Variants in PGPEP1L observed in about 807,000 individuals in gnomAD.
PGPEP1L encodes the protein pyroglutamyl-peptidase I like, also known as pyroglutamyl-peptidase 1-like protein.
In PGPEP1L, 7 loss-of-function variants were observed where a neutral mutation model predicts 6.0. That is an observed-to-expected ratio of 1.17 (90% CI 0.66 to 2.19). The LOEUF is 2.19. Ranked by LOEUF, PGPEP1L falls within the 30% of genes most tolerant of loss-of-function variation. The pLI, the probability that PGPEP1L is intolerant of heterozygous loss-of-function variation, is 0.00. For missense variants in PGPEP1L, 209 were observed against 192.5 expected (o/e 1.09, Z -0.51); for synonymous variants, 103 against 83.9 (o/e 1.23, Z -1.24).
At chr15:98,988,878 G>C (rs528202239) in intron 2 of PGPEP1L, among the ~76,000 whole-genome samples, 2 of 152,342 alleles carry the variant, frequency 1.3e-5, no homozygotes, top group South Asian at 4.1e-4. Context: ...CAGACCTGCA[G>C]TAGAGTGCCC....
rs559227077 is a variant in PGPEP1L at position 98,982,142 on chromosome 15, A to G, written c.-141-10984T>C. Among the ~76,000 whole-genome samples, 4 of 152,338 alleles carry G rather than the reference A, an allele frequency of 2.6e-5. No individual in the cohort carries two copies. In the East Asian group the frequency reaches 7.7e-4, roughly 29 times the overall value. ...GTTTCCTTGAGCGTTTACTAGGAGC[A>G]CGGTGTTTGTGGGGAGGACTGTGAA... On this transcript the variant is annotated intron_variant, in intron 2 of 4. Coordinates refer to ENST00000535714, the MANE Select transcript of PGPEP1L (RefSeq NM_001167902.2).
intron 2 of PGPEP1L, among the ~76,000 whole-genome samples, chr15:99,003,076 G>A (rs2017997220): frequency 6.6e-6 from 1 of 151,768 alleles, no homozygotes; most frequent in Non-Finnish European, 1.5e-5. Context: ...AAACAGTTTT[G>A]GACAGAACGT....
intron 1 of PGPEP1L, among the ~76,000 whole-genome samples, chr15:99,006,719 A>G (rs2018071163): frequency 6.6e-6 from 1 of 152,232 alleles, no homozygotes; most frequent in Non-Finnish European, 1.5e-5. Flanking sequence ...GGGAGGCTGA[A>G]GCGGGAGGAT....
intron 3 of PGPEP1L, among the ~76,000 whole-genome samples, chr15:98,969,882 A>G (rs1375243610): frequency 1.3e-5 from 2 of 152,118 alleles, no homozygotes; most frequent in Non-Finnish European, 1.5e-5. Context: ...CTGCATTTAC[A>G]TTTAAATGCT....
At chr15:98,997,235 C>G (rs1053689181) in intron 2 of PGPEP1L, among the ~76,000 whole-genome samples, 1 of 152,106 alleles carries the variant, frequency 6.6e-6, no homozygotes, top group Admixed American at 6.6e-5. Flanking sequence ...TCTGGGATGC[C>G]CTCAGCTTTT....
chr15:98,971,045 A>G lies in PGPEP1L; in HGVS notation c.-28T>C. The G allele has an allele frequency of 3.1e-6, 5 of 1,613,644 alleles. No homozygotes were observed. Among genetic ancestry groups the G allele is most frequent in the Non-Finnish European group, 4.2e-6 (5 of 1,179,714 alleles). On this transcript the variant is annotated 5_prime_UTR_variant, in exon 3 of 5. Transcript: ENST00000535714. ...TCTGGCCATCACTTACTTGCGGCTG[A>G]TGATCTTCCCAGATTCCGGTGACCC... is the stretch of plus-strand genomic sequence containing the variant.
Position 99,004,199 on chromosome 15 carries a change from T to TA in PGPEP1L, c.-142+1229dup, listed in dbSNP as rs1380747127. Among the ~76,000 whole-genome samples the TA allele has an allele frequency of 1.2e-4, 18 of 150,462 alleles. No homozygotes were observed. The East Asian group carries it at 2.2e-3, about 18-fold the overall frequency. ...GGGAGGATCACTTCAGCCCGGGAGT[T>TA]AGAGACCAGTCTGGGGAATACAGGA... On this transcript the variant is annotated intron_variant, in intron 2 of 4. Coordinates refer to ENST00000535714, the MANE Select transcript of PGPEP1L (RefSeq NM_001167902.2).
chr15:98,987,464 A>C (rs529711907), intron 2 of PGPEP1L, among the ~76,000 whole-genome samples: 2 of 151,602 alleles, frequency 1.3e-5, no homozygotes, highest in South Asian at 4.2e-4. Context: ...ACAGAAGTAA[A>C]GCCTGAGGTG....
chr15:98,981,776 TC>T (rs1392809219), intron 2 of PGPEP1L, among the ~76,000 whole-genome samples: 5 of 152,218 alleles, frequency 3.3e-5, no homozygotes, highest in African/African-American at 1.2e-4. Flanking sequence ...GAATATATAT[TC>T]TGTGCTATCT....
At chr15:98,973,029 A>T (rs1411536683) in intron 2 of PGPEP1L, among the ~76,000 whole-genome samples, 1 of 152,178 alleles carries the variant, frequency 6.6e-6, no homozygotes, top group Non-Finnish European at 1.5e-5. Context: ...ATTCCATGCA[A>T]ACAGAAACCA....
At chr15:98,996,186 C>T (rs1555472475) in intron 2 of PGPEP1L, among the ~76,000 whole-genome samples, 1 of 152,132 alleles carries the variant, frequency 6.6e-6, no homozygotes, top group Non-Finnish European at 1.5e-5. Flanking sequence ...CTGCTGATTC[C>T]TACTCATGGT....
intron 2 of PGPEP1L, among the ~76,000 whole-genome samples, chr15:98,978,376 CTAAT>C (rs917117309): frequency 6.6e-5 from 10 of 152,072 alleles, no homozygotes; most frequent in African/African-American, 2.4e-4. Flanking sequence ...GTCCAGGGAC[CTAAT>C]TAATGGCATC....
At chr15:98,980,406 TGA>T (rs2017641073) in intron 2 of PGPEP1L, among the ~76,000 whole-genome samples, 1 of 151,692 alleles carries the variant, frequency 6.6e-6, no homozygotes. Flanking sequence ...GGCCAAAATA[TGA>T]GAAATAAATA....
intron 2 of PGPEP1L, among the ~76,000 whole-genome samples, chr15:98,978,371 G>C (rs951356058): frequency 2.0e-5 from 3 of 152,150 alleles, no homozygotes; most frequent in Non-Finnish European, 2.9e-5. Flanking sequence ...GTAGAGTCCA[G>C]GGACCTAATT....
chr15:98,984,446 G>A (rs1187305311), intron 2 of PGPEP1L, among the ~76,000 whole-genome samples: 1 of 152,168 alleles, frequency 6.6e-6, no homozygotes. Flanking sequence ...CGGGCCCTTG[G>A]TGGAGATGGG....
In PGPEP1L at chr15:98,989,139, G is replaced by A. The variant is rs2654968; in HGVS notation, c.-142+16290C>T. ...AAACTGGATGGAGAATGAGTTTGAC[G>A]AATTGACAGAAGTAGGCTTCACAAG... On this transcript the variant is annotated intron_variant, in intron 2 of 4. Transcript: ENST00000535714. Among the ~76,000 whole-genome samples the A allele has an allele frequency of 2.8e-3, 419 of 152,294 alleles. 1 individual carries two copies. Among genetic ancestry groups the A allele is most frequent in the African/African-American group, 9.6e-3 (400 of 41,568 alleles).
chr15:98,984,400 A>G (rs1226658242), intron 2 of PGPEP1L, among the ~76,000 whole-genome samples: 3 of 152,172 alleles, frequency 2.0e-5, no homozygotes, highest in Admixed American at 2.0e-4. Flanking sequence ...GATAGAAAAG[A>G]AAACTATTCA....
chr15:98,978,290 C>T (rs181422258), intron 2 of PGPEP1L, among the ~76,000 whole-genome samples: 1 of 152,148 alleles, frequency 6.6e-6, no homozygotes, highest in Admixed American at 6.5e-5. Context: ...AGTCGGGGCA[C>T]CCCTGAGAGG....
At chr15:98,991,938 G>A (rs1245447949) in intron 2 of PGPEP1L, among the ~76,000 whole-genome samples, 2 of 152,150 alleles carry the variant, frequency 1.3e-5, no homozygotes, top group African/African-American at 4.8e-5. Flanking sequence ...ACTAGGTACT[G>A]ACGGAATGTA....
Sources: allele counts gnomAD v4.1 joint callset (sites outside exome capture counted in the v4.1 genomes callset), GRCh38; gene constraint gnomAD v4.1.1; transcripts MANE v1.5; gene names NCBI Gene and HGNC (gene_info 2026-07-23, HGNC 2026-07-21).